The following TRHDE variants were observed in gnomAD, a reference collection of about 807,000 sequenced individuals.
The protein encoded by TRHDE is thyrotropin releasing hormone degrading enzyme.
A neutral mutation model predicts 125.7 loss-of-function variants in TRHDE; 72 were observed. That is an observed-to-expected ratio of 0.57 (90% CI 0.47 to 0.70). The LOEUF is 0.70. Ranked by LOEUF, TRHDE falls within the 30% of genes least tolerant of loss-of-function variation. The pLI is 0.00. For synonymous variants in TRHDE, 509 were observed against 509.1 expected, an observed-to-expected ratio of 1.00 and a Z score of 0.00; for missense variants, 1,110 against 1,327.1, an observed-to-expected ratio of 0.84 and a Z score of 2.54.
chr12:72,375,441 T>C lies in TRHDE; in HGVS notation c.1189-2554T>C, dbSNP rs1871834049. On this transcript the variant is annotated intron_variant, in intron 2 of 18. Coordinates refer to ENST00000261180, the MANE Select transcript of TRHDE (RefSeq NM_013381.3). ...AATCTTGACAAGCAGATTAATTTAATTGTGTTTCTTTTGTCTGGGTGTACA... is the reference window on the plus strand; with the variant it reads ...AATCTTGACAAGCAGATTAATTTAACTGTGTTTCTTTTGTCTGGGTGTACA... 2.0e-5 allele frequency among the ~76,000 whole-genome samples: 3 copies of C among 152,210 alleles called. No homozygotes were observed. In the South Asian group the frequency reaches 6.2e-4, roughly 32 times the overall value.
chr12:72,518,816 C>G (rs1423119518), intron 6 of TRHDE, among the ~76,000 whole-genome samples: 5 of 152,160 alleles, frequency 3.3e-5, no homozygotes, highest in Non-Finnish European at 7.4e-5. Context: ...GTGCTTCCTT[C>G]AGGAGCTCTT....
At chr12:72,401,664 T>C (rs1873047104) in intron 3 of TRHDE, among the ~76,000 whole-genome samples, 1 of 152,228 alleles carries the variant, frequency 6.6e-6, no homozygotes, top group Admixed American at 6.5e-5. Flanking sequence ...ATGTAAATTA[T>C]TTTTTATATC....
intron 2 of TRHDE, chr12:72,254,901 A>G (rs1309318699): frequency 6.6e-6 from 1 of 152,230 alleles, no homozygotes. Context: ...TCCAAAAATG[A>G]TGTCCCATTC....
chr12:72,342,648 C>T (rs968415458), intron 2 of TRHDE, among the ~76,000 whole-genome samples: 1 of 151,974 alleles, frequency 6.6e-6, no homozygotes, highest in African/African-American at 2.4e-5. Context: ...GTAGATTTAA[C>T]TAGTATCTTT....
At chr12:72,320,888 G>A (rs912108280) in intron 2 of TRHDE, among the ~76,000 whole-genome samples, 1 of 152,084 alleles carries the variant, frequency 6.6e-6, no homozygotes, top group Non-Finnish European at 1.5e-5. Flanking sequence ...GAAAATACTT[G>A]CTCTAGCCAA....
At chr12:72,598,504 A>ATCTCTATATCAAG (rs1872072566) in intron 12 of TRHDE, among the ~76,000 whole-genome samples, 2 of 152,172 alleles carry the variant, frequency 1.3e-5, no homozygotes, top group South Asian at 4.1e-4. Flanking sequence ...TGAGGCATAG[A>ATCTCTATATCAAG]TCTCTATATC....
At position 72,670,141 on chromosome 12, in the gene TRHDE, AAT is replaced by A. The variant is rs1875213793; in HGVS notation, c.*6949_*6950del. ...TCCCCAAGTGAACAGGCTTATTTAA[AAT>A]ATGTCATATAAAAGCACTTTTCCTT... On this transcript the variant is annotated 3_prime_UTR_variant, in exon 19 of 19. Transcript: ENST00000261180. 1 of 151,802 alleles carries A rather than the reference AAT, an allele frequency of 6.6e-6. No individual in the cohort carries two copies. The highest frequency in any genetic ancestry group is 1.5e-5 in the Non-Finnish European group (1 of 67,832). The allele number at this position is 151,802 out of a possible 1,614,324, so 9.4% of individuals were successfully genotyped here. A position where few individuals can be genotyped will look rare whatever the true frequency, so the allele number is the denominator to read the frequency against.
intron 5 of TRHDE, among the ~76,000 whole-genome samples, chr12:72,496,496 T>C (rs746854158): frequency 2.0e-5 from 3 of 152,154 alleles, no homozygotes; most frequent in Non-Finnish European, 4.4e-5. Context: ...ACTTATTTAC[T>C]ATCAGGAGAA....
intron 6 of TRHDE, among the ~76,000 whole-genome samples, chr12:72,525,714 A>G (rs989743484): frequency 6.6e-6 from 1 of 151,534 alleles, no homozygotes; most frequent in Non-Finnish European, 1.5e-5. Context: ...TATGGTAGGA[A>G]CCAGTTTGGG....
chr12:72,212,595 C>T lies in TRHDE; in HGVS notation n.279+106843C>T, dbSNP rs571014398. 1.6e-4 allele frequency among the ~76,000 whole-genome samples: 24 copies of T among 152,156 alleles called. No individual in the cohort carries two copies. The South Asian group carries it at 3.7e-3, about 24-fold the overall frequency. On this transcript the variant is annotated intron_variant and non_coding_transcript_variant, in intron 2 of 4. Coordinates refer to the TRHDE transcript ENST00000548156. The stretch of plus-strand genomic sequence containing the variant: ...AGTTATACAAATGATTAATAAGCAT[C>T]ATCATTTACTAAGGAAATGCAAATT...
intron 2 of TRHDE, among the ~76,000 whole-genome samples, chr12:72,132,909 G>A (rs1382399540): frequency 2.0e-5 from 3 of 152,136 alleles, no homozygotes; most frequent in Admixed American, 2.0e-4. Context: ...TCTTGATGAG[G>A]AGAAGTTTTC....
chr12:72,204,129 G>A (rs1027198890), intron 2 of TRHDE, among the ~76,000 whole-genome samples: 9 of 152,122 alleles, frequency 5.9e-5, no homozygotes, highest in Non-Finnish European at 1.0e-4. Context: ...TATCAAGTCT[G>A]TTATATTTTT....
chr12:72,327,563 T>C (rs1869397479), intron 2 of TRHDE, among the ~76,000 whole-genome samples: 1 of 152,166 alleles, frequency 6.6e-6, no homozygotes, highest in African/African-American at 2.4e-5. Flanking sequence ...TTCAACACTA[T>C]ATTTATAGTA....
rs1003621213 is a variant in TRHDE at position 72,145,872 on chromosome 12, C to T, written n.279+40120C>T. Among the ~76,000 whole-genome samples, 8 of 152,112 alleles carry T rather than the reference C, an allele frequency of 5.3e-5. No homozygotes were observed. The East Asian group carries it at 1.5e-3, about 29-fold the overall frequency. Reference sequence around the variant, plus strand: ...AAATATCTTAAAAAACATGATAAAACATGATTTTTATTAAAACTAAGACTT... The same window carrying T: ...AAATATCTTAAAAAACATGATAAAATATGATTTTTATTAAAACTAAGACTT... On this transcript the variant is annotated intron_variant and non_coding_transcript_variant, in intron 2 of 4. Coordinates refer to the TRHDE transcript ENST00000548156.
intron 12 of TRHDE, among the ~76,000 whole-genome samples, chr12:72,581,679 A>T (rs1871233615): frequency 6.6e-6 from 1 of 152,192 alleles, no homozygotes; most frequent in African/African-American, 2.4e-5. Flanking sequence ...AAATTTTCCC[A>T]TGATGAGGGC....
At chr12:72,432,904 A>G (rs571327112) in intron 3 of TRHDE, among the ~76,000 whole-genome samples, 1 of 152,266 alleles carries the variant, frequency 6.6e-6, no homozygotes, top group East Asian at 1.9e-4. Flanking sequence ...ATCTTAGGGG[A>G]AAGCATTTCG....
intron 10 of TRHDE, among the ~76,000 whole-genome samples, chr12:72,570,020 T>C (rs898216306): frequency 1.3e-5 from 2 of 152,164 alleles, no homozygotes; most frequent in African/African-American, 4.8e-5. Context: ...CATCGCTCTA[T>C]AGGATTCCTG....
At chr12:72,245,758 T>C (rs1385971375) in intron 2 of TRHDE, among the ~76,000 whole-genome samples, 2 of 151,932 alleles carry the variant, frequency 1.3e-5, no homozygotes, top group Non-Finnish European at 2.9e-5. Context: ...TATGAACATA[T>C]ATATATACAC....
At chr12:72,129,598 T>C (rs959741296) in intron 2 of TRHDE, among the ~76,000 whole-genome samples, 1 of 152,236 alleles carries the variant, frequency 6.6e-6, no homozygotes, top group Admixed American at 6.5e-5. Flanking sequence ...AGAGAAACTT[T>C]GGATACATTT....
Sources: gnomAD v4.1 joint callset for allele counts (sites outside exome capture counted in the v4.1 genomes callset) on GRCh38, gnomAD v4.1.1 for gene constraint, MANE v1.5 for transcripts, NCBI Gene and HGNC (gene_info 2026-07-23, HGNC 2026-07-21) for gene names.